WRN: variants seen among roughly 807,000 people sequenced by gnomAD.
WRN encodes WRN RecQ like helicase, also known as bifunctional 3'-5' exonuclease/ATP-dependent helicase WRN.
Under a neutral mutation model 180.7 loss-of-function variants are expected in WRN, and 149 were observed. That is an observed-to-expected ratio of 0.82 (90% confidence interval 0.72 to 0.94). The LOEUF is 0.94. Among genes scored for constraint, WRN ranks in the 40% least tolerant of loss-of-function variants. WRN has a pLI of 0.00. For synonymous variants in WRN, 548 were observed against 568.9 expected, an observed-to-expected ratio of 0.96 and a Z score of 0.52; for missense variants, 1,661 against 1,700.1, an observed-to-expected ratio of 0.98 and a Z score of 0.40.
In WRN at chr8:31,124,545, A is replaced by G. The variant is rs1166678420; in HGVS notation, c.2654A>G (p.Asn885Ser). Residue 885 changes from asparagine (N) to serine (S), a missense_variant, in exon 22 of 35, where the codon AAT becomes AGT. By Grantham distance (46) the Asn-to-Ser change is conservative. This residue lies in a region of WRN where 1,141 missense variants were observed against 1,149.4 expected (regional missense o/e 0.99). Coordinates refer to ENST00000298139, the MANE Select transcript of WRN (RefSeq NM_000553.6). ...LNRHLLTEIR[N>S]EKFRLYKLKM... ...AGGCACCTTCTTACTGAGATACGTA[A>G]TGAGAAGTTTCGATTATACAAATTA... 1.2e-6 allele frequency: 2 copies of G among 1,612,848 alleles called. No homozygotes were observed. Among genetic ancestry groups the G allele is most frequent in the South Asian group, 1.1e-5 (1 of 91,026 alleles).
At chr8:31,055,585 C>T (rs1335070270) in intron 1 of WRN, among the ~76,000 whole-genome samples, 1 of 151,358 alleles carries the variant, frequency 6.6e-6, no homozygotes, top group African/African-American at 2.4e-5. Flanking sequence ...TGTTCATGTC[C>T]TCTGCCTACT....
At chr8:31,118,598 T>A (rs1002160893) in intron 20 of WRN, among the ~76,000 whole-genome samples, 1 of 152,024 alleles carries the variant, frequency 6.6e-6, no homozygotes, top group African/African-American at 2.4e-5. Context: ...TTTTTACAGT[T>A]GTTATATACC....
chr8:31,037,001 G>C (rs1306449177), intron 1 of WRN, among the ~76,000 whole-genome samples: 1 of 152,184 alleles, frequency 6.6e-6, no homozygotes, highest in Non-Finnish European at 1.5e-5. Context: ...ATCCACAGGA[G>C]GGAGGGGATG....
chr8:31,061,872 T>C (rs1466972783), intron 3 of WRN, among the ~76,000 whole-genome samples: 1 of 152,124 alleles, frequency 6.6e-6, no homozygotes, highest in Non-Finnish European at 1.5e-5. Context: ...CCCCATAGAG[T>C]TTTAGTCTAT....
In WRN at chr8:31,175,232, C is replaced by T. The variant is rs1183431280; in HGVS notation, c.*2130C>T. Among the ~76,000 whole-genome samples, 8 of 151,950 alleles carry T rather than the reference C, an allele frequency of 5.3e-5. No homozygotes were observed. Among genetic ancestry groups the T allele is most frequent in the African/African-American group, 1.9e-4 (8 of 41,376 alleles). ...CGGGCGGATCACGAGATCAGGAGAT[C>T]GAGACCACCCTGGCCAACATGGTGA... On this transcript the variant is annotated 3_prime_UTR_variant, in exon 35 of 35. Coordinates refer to ENST00000298139, the MANE Select transcript of WRN (RefSeq NM_000553.6).
At chr8:31,115,248 A>G (rs1801475645) in intron 19 of WRN, among the ~76,000 whole-genome samples, 1 of 152,240 alleles carries the variant, frequency 6.6e-6, no homozygotes, top group Non-Finnish European at 1.5e-5. Context: ...CACTCCATTA[A>G]GTAGTTCACT....
chr8:31,050,141 T>C (rs56111434), intron 1 of WRN, among the ~76,000 whole-genome samples: 9,002 of 152,128 alleles, frequency 0.059, 277 homozygotes, highest in South Asian at 0.082. Flanking sequence ...ATATGTGTTG[T>C]GTTAATGAGG....
At chr8:31,160,856 C>T (rs1803584541) in intron 33 of WRN, among the ~76,000 whole-genome samples, 1 of 152,040 alleles carries the variant, frequency 6.6e-6, no homozygotes, top group Non-Finnish European at 1.5e-5. Context: ...TGGTGGCACA[C>T]ACCTGTAATC....
At position 31,137,145 on chromosome 8, in the gene WRN, C is replaced by T. The variant is rs545155577; in HGVS notation, c.2968-4285C>T. ...ATTCCTTTAAAACAAAGATACTCTG[C>T]TTTAAAGCAAAGGTATATCATCCTC... On this transcript the variant is annotated intron_variant, in intron 24 of 34. Coordinates refer to ENST00000298139, the MANE Select transcript of WRN (RefSeq NM_000553.6). Among the ~76,000 whole-genome samples the T allele has an allele frequency of 6.0e-5, 9 of 150,892 alleles. No individual in the cohort carries two copies. The South Asian group carries it at 1.9e-3, about 32-fold the overall frequency.
At chr8:31,089,039 G>C (rs547916592) in intron 13 of WRN, 74 bp downstream of exon 13, 3 of 1,359,992 alleles carry the variant, frequency 2.2e-6, no homozygotes, top group Non-Finnish European at 3.1e-6. Flanking sequence ...CAAATAACCT[G>C]TCTGCTTAAC....
At chr8:31,114,903 T>C (rs1192901874) in intron 19 of WRN, among the ~76,000 whole-genome samples, 1 of 150,686 alleles carries the variant, frequency 6.6e-6, no homozygotes, top group Non-Finnish European at 1.5e-5. Context: ...GGTTTTTTTT[T>C]TTTTTTTTTT....
chr8:31,096,728 G>GC (rs1813993984), intron 16 of WRN, 40 bp from the exon 17 acceptor site: 1 of 978,466 alleles, frequency 1.0e-6, no homozygotes. Flanking sequence ...TTCCCTTCCT[G>GC]TTTTTTTTTT....
At chr8:31,087,397 A>G (rs1338143591) in intron 11 of WRN, among the ~76,000 whole-genome samples, 2 of 152,250 alleles carry the variant, frequency 1.3e-5, no homozygotes, top group African/African-American at 2.4e-5. Context: ...CATGATATAG[A>G]GAAACTTGTT....
rs532378612 is a variant in WRN, at chr8:31,043,864, A to G, written c.-77+9891A>G. Among the ~76,000 whole-genome samples, 3 of 152,268 alleles carry G rather than the reference A, an allele frequency of 2.0e-5. No homozygotes were observed. In the South Asian group the frequency reaches 6.2e-4, roughly 32 times the overall value. ...CCTCACCAGCTTTTGCTGTTCGTTC[A>G]TAAAACTGAGTCATTGAAGTACAGT... On this transcript the variant is annotated intron_variant, in intron 1 of 34. Transcript: ENST00000298139.
rs566153129 is a variant in WRN at position 31,074,842 on chromosome 8, TAGGTA to T, written c.725-1327_725-1323del. On this transcript the variant is annotated intron_variant, in intron 7 of 34. Coordinates refer to ENST00000298139, the MANE Select transcript of WRN (RefSeq NM_000553.6). ...TGGGCAGTGGGAGTAGGGATGTTGA[TAGGTA>T]AGGAAAAGGTGATAGGATCAATGCA... Among the ~76,000 whole-genome samples the T allele has an allele frequency of 2.6e-5, 4 of 152,070 alleles. No individual in the cohort carries two copies. In the South Asian group the frequency reaches 8.3e-4, roughly 32 times the overall value.
At chr8:31,080,691 T>C (rs1813266513) in intron 8 of WRN, among the ~76,000 whole-genome samples, 176 bp from the exon 9 acceptor site, 1 of 152,032 alleles carries the variant, frequency 6.6e-6, no homozygotes, top group Non-Finnish European at 1.5e-5. Flanking sequence ...TGCTAGAGAG[T>C]AGCCTGCAAG....
chr8:31,046,463 A>C (rs1353799911), intron 1 of WRN, among the ~76,000 whole-genome samples: 2 of 152,184 alleles, frequency 1.3e-5, no homozygotes, highest in Non-Finnish European at 2.9e-5. Context: ...ATGGGGAAAT[A>C]AGAAATTAGA....
chr8:31,149,844 G>T (rs954973093), intron 30 of WRN, among the ~76,000 whole-genome samples: 1 of 152,054 alleles, frequency 6.6e-6, no homozygotes, highest in African/African-American at 2.4e-5. Context: ...GCATCGAATG[G>T]GTTCTTGGAT....
In WRN at chr8:31,174,711, T is replaced by G. The variant is rs1438809058; in HGVS notation, c.*1609T>G. On this transcript the variant is annotated 3_prime_UTR_variant, in exon 35 of 35. Transcript: ENST00000298139. ...TTCTGATTCTTCTTCTTCTCCTTCTTCCTTCTTCCTTCCTTCCTCCTCCTC... is the reference window on the plus strand; with the variant it reads ...TTCTGATTCTTCTTCTTCTCCTTCTGCCTTCTTCCTTCCTTCCTCCTCCTC... Among the ~76,000 whole-genome samples, 1 of 151,666 alleles carries G rather than the reference T, an allele frequency of 6.6e-6. No homozygotes were observed. Among genetic ancestry groups the G allele is most frequent in the Admixed American group, 6.6e-5 (1 of 15,206 alleles).
Sources: gnomAD v4.1 joint callset for allele counts (sites outside exome capture counted in the v4.1 genomes callset) on GRCh38, gnomAD v4.1.1 for gene constraint, gnomAD v4.1.1 regional missense constraint, MANE v1.5 for transcripts, NCBI Gene and HGNC (gene_info 2026-07-23, HGNC 2026-07-21) for gene names.